ANKRD10: variants seen among roughly 807,000 people sequenced by gnomAD.
ANKRD10 encodes ankyrin repeat domain-containing protein 10.
In ANKRD10, 14 loss-of-function variants were observed where a neutral mutation model predicts 27.0. The observed-to-expected ratio is 0.52, with a 90% CI of 0.34 to 0.81. The LOEUF is 0.81. Ranked by LOEUF, ANKRD10 falls within the 40% of genes least tolerant of loss-of-function variation. The pLI is 0.01. For synonymous variants in ANKRD10, 250 were observed against 224.5 expected, an observed-to-expected ratio of 1.11 and a Z score of -1.01; for missense variants, 493 against 544.0, an observed-to-expected ratio of 0.91 and a Z score of 0.93.
intron 1 of ANKRD10, chr13:110,914,381 C>T: frequency 5.5e-6 from 1 of 183,112 alleles, no homozygotes. Context: ...ACCATCCGCG[C>T]GCGCGCGCGC....
chr13:110,910,499 G>T, intron 2 of ANKRD10, 119 bp downstream of exon 2: 1 of 1,261,596 alleles, frequency 7.9e-7, no homozygotes, highest in Non-Finnish European at 1.1e-6. Context: ...ATTCCAGTCT[G>T]CCCTCAGGTA....
chr13:110,892,738 A>C, intron 4 of ANKRD10: 1 of 1,086,680 alleles, frequency 9.2e-7, no homozygotes, highest in Non-Finnish European at 1.1e-6. Context: ...TTTCAAACAG[A>C]TACAACAAAT....
At position 110,893,120 on chromosome 13, in the gene ANKRD10, T is replaced by C; in HGVS notation, c.599A>G (p.Asn200Ser). 6.2e-7 allele frequency: 1 copy of C among 1,614,244 alleles called. No homozygotes were observed. Among genetic ancestry groups the C allele is most frequent in the East Asian group, 2.2e-5 (1 of 44,892 alleles). The part of the protein sequence containing the change: ...NNGILNGGHQ[N>S]VFPNHISVGT... ...CACACTAATATGATTAGGAAATACA[T>C]TCTGATGACCCCCATTTAAGATGCC... is the stretch of plus-strand genomic sequence containing the variant. The change falls in exon 4 of 6, where the codon AAT becomes AGT. Residue 200 changes from asparagine (N) to serine (S), a missense_variant. Coordinates refer to ENST00000267339, the MANE Select transcript of ANKRD10 (RefSeq NM_017664.4).
At chr13:110,905,336 A>G (rs2065501252) in intron 3 of ANKRD10, 1 of 152,208 alleles carries the variant, frequency 6.6e-6, no homozygotes, top group Admixed American at 6.5e-5. Context: ...AATGATTTGC[A>G]TATAAGATCT....
rs1459010268 is a variant in ANKRD10, at chr13:110,910,776, A to G, written c.211-6T>C. On this transcript the variant is annotated splice_polypyrimidine_tract_variant and splice_region_variant and intron_variant, in intron 1 of 5. Coordinates refer to ENST00000267339, the MANE Select transcript of ANKRD10 (RefSeq NM_017664.4). Reference sequence around the variant, plus strand: ...AACTGCACTAAGCACTCCAACTTCGAAAACAAGAGGGGTAATGAAAACACG... The same window carrying G: ...AACTGCACTAAGCACTCCAACTTCGGAAACAAGAGGGGTAATGAAAACACG... 3 of 1,612,064 alleles carry G rather than the reference A, an allele frequency of 1.9e-6. No homozygotes were observed. In the African/African-American group the frequency reaches 4.0e-5, roughly 22 times the overall value.
chr13:110,912,182 C>A (rs1340773212), intron 1 of ANKRD10, among the ~76,000 whole-genome samples: 1 of 152,244 alleles, frequency 6.6e-6, no homozygotes, highest in Non-Finnish European at 1.5e-5. Flanking sequence ...TCACTCCAAT[C>A]ACAATGCAGT....
At chr13:110,886,339 A>T (rs138528246) in intron 4 of ANKRD10, among the ~76,000 whole-genome samples, 10 of 152,250 alleles carry the variant, frequency 6.6e-5, no homozygotes, top group African/African-American at 2.4e-4. Flanking sequence ...ATAAAGCAGG[A>T]TAAGAATGAA....
intron 2 of ANKRD10, among the ~76,000 whole-genome samples, chr13:110,908,118 A>C (rs866260029): frequency 6.6e-6 from 1 of 152,228 alleles, no homozygotes; most frequent in African/African-American, 2.4e-5. Flanking sequence ...AGCTCAGCCC[A>C]GTCACATCGC....
chr13:110,898,313 A>C (rs2065282837), intron 3 of ANKRD10, among the ~76,000 whole-genome samples: 1 of 152,226 alleles, frequency 6.6e-6, no homozygotes, highest in African/African-American at 2.4e-5. Context: ...TTGGGTTTCC[A>C]AGTCAAAGAT....
intron 4 of ANKRD10, among the ~76,000 whole-genome samples, chr13:110,888,599 G>A (rs1208516803): frequency 6.6e-6 from 1 of 152,096 alleles, no homozygotes; most frequent in Non-Finnish European, 1.5e-5. Context: ...CAAGTTTCAA[G>A]CAATAAACAT....
intron 2 of ANKRD10, among the ~76,000 whole-genome samples, chr13:110,909,892 C>G (rs1214809454): frequency 1.3e-5 from 2 of 152,166 alleles, no homozygotes; most frequent in Admixed American, 1.3e-4. Flanking sequence ...TCCCAGAGCC[C>G]ATGCCCAGGT....
chr13:110,914,442 T>A (rs1248098586), intron 1 of ANKRD10: 1 of 271,522 alleles, frequency 3.7e-6, no homozygotes, highest in Non-Finnish European at 6.7e-6. Flanking sequence ...CCCGCCTTGT[T>A]AGAAACTTGC....
chr13:110,892,981 A>G (rs745561821), intron 4 of ANKRD10, 47 bp downstream of exon 4: 38 of 1,600,942 alleles, frequency 2.4e-5, no homozygotes, highest in Non-Finnish European at 3.2e-5. Context: ...AACATATTAC[A>G]GAAAGGAAAA....
chr13:110,911,169 G>C (rs1024642642), intron 1 of ANKRD10, among the ~76,000 whole-genome samples: 2 of 152,180 alleles, frequency 1.3e-5, no homozygotes, highest in Admixed American at 6.5e-5. Context: ...CTTTGTGTAG[G>C]CCGGGCGCAG....
At position 110,910,643 on chromosome 13, in the gene ANKRD10, T is replaced by C; in HGVS notation, c.338A>G (p.Gln113Arg). Residue 113 changes from glutamine (Q) to arginine (R), a missense_variant, in exon 2 of 6, where the codon CAA becomes CGA. Coordinates refer to ENST00000267339, the MANE Select transcript of ANKRD10 (RefSeq NM_017664.4). ...GHPQCLVWLI[Q>R]AGANINKPDC... is the part of the protein sequence containing the mutation. ...CGGTTTGTTAATGTTGGCTCCTGCT[T>C]GAATCAGCCAGACCAGGCACTGAGG... The C allele has an allele frequency of 6.2e-7, 1 of 1,614,122 alleles. No individual in the cohort carries two copies. The highest frequency in any genetic ancestry group is 8.5e-7 in the Non-Finnish European group (1 of 1,180,024).
intron 5 of ANKRD10, among the ~76,000 whole-genome samples, chr13:110,882,223 A>T (rs1366567912): frequency 1.3e-5 from 2 of 152,186 alleles, no homozygotes; most frequent in African/African-American, 4.8e-5. Context: ...AAAAATGTAG[A>T]ATTCTTGGAA....
Position 110,881,259 on chromosome 13 carries a change from T to G in ANKRD10, c.788-1147A>C, listed in dbSNP as rs143872712. On this transcript the variant is annotated intron_variant, in intron 5 of 5. Transcript: ENST00000267339. Reference sequence around the variant, plus strand: ...AGAAGAGCTCAGTTCTAATAACTTTTAGAATGAGGACGCAGCTTAAATACA... The same window carrying G: ...AGAAGAGCTCAGTTCTAATAACTTTGAGAATGAGGACGCAGCTTAAATACA... Among the ~76,000 whole-genome samples the G allele has an allele frequency of 3.6e-3, 543 of 152,326 alleles. 4 individuals are homozygous for G. Among genetic ancestry groups the G allele is most frequent in the Non-Finnish European group, 5.5e-3 (377 of 68,024 alleles).
intron 4 of ANKRD10, among the ~76,000 whole-genome samples, chr13:110,889,808 A>T (rs1391865458): frequency 6.6e-6 from 1 of 152,204 alleles, no homozygotes; most frequent in Non-Finnish European, 1.5e-5. Flanking sequence ...GTAAATATAA[A>T]TTCCACACTA....
In ANKRD10 at chr13:110,879,577, G is replaced by C. The variant is rs536518432; in HGVS notation, c.*60C>G. 7.8e-7 allele frequency: 1 copy of C among 1,283,128 alleles called. No homozygotes were observed. The highest frequency in any genetic ancestry group is 2.5e-5 in the East Asian group (1 of 40,812). 79.5% of individuals were successfully genotyped at this position (1,283,128 alleles called of 1,614,324 possible). A position where few individuals can be genotyped will look rare whatever the true frequency, so the allele number is the denominator to read the frequency against. ...CATTCGTTCAAGTTGCTGCTACATG[G>C]GTATTCTGAGCTGGCTACCAGGAAG... On this transcript the variant is annotated 3_prime_UTR_variant, in exon 6 of 6. Coordinates refer to ENST00000267339, the MANE Select transcript of ANKRD10 (RefSeq NM_017664.4).
Sources: allele counts gnomAD v4.1 joint callset (sites outside exome capture counted in the v4.1 genomes callset), GRCh38; gene constraint gnomAD v4.1.1; transcripts MANE v1.5; gene names NCBI Gene and HGNC (gene_info 2026-07-23, HGNC 2026-07-21).